TSNAXIP1: variants seen among roughly 807,000 people sequenced by gnomAD.
TSNAXIP1 encodes the protein translin-associated factor X-interacting protein 1.
In TSNAXIP1, 89 loss-of-function variants were observed where a neutral mutation model predicts 84.8. The observed-to-expected ratio is 1.05, with a 90% CI of 0.88 to 1.25. TSNAXIP1 has a LOEUF of 1.25. Among genes scored for constraint, TSNAXIP1 ranks in the 50% most tolerant of loss-of-function variants. The pLI, the probability that TSNAXIP1 is intolerant of heterozygous loss-of-function variation, is 0.00. For missense variants in TSNAXIP1, 874 were observed against 887.6 expected (o/e 0.98, Z 0.20); for synonymous variants, 347 against 335.2 (o/e 1.04, Z -0.39).
rs1008100226 is a variant in TSNAXIP1 at position 67,815,585 on chromosome 16, C to A, written c.147+1184C>A. On this transcript the variant is annotated intron_variant, in intron 2 of 15. Transcript: ENST00000561639. ...CACAAACACAGCTCACTGCAGACTC[C>A]ACCTCCCATGCTGAACCAATCCTCC... is the stretch of plus-strand genomic sequence containing the variant. Among the ~76,000 whole-genome samples, 113 of 152,076 alleles carry A rather than the reference C, an allele frequency of 7.4e-4. 1 individual carries two copies. Among genetic ancestry groups the A allele is most frequent in the African/African-American group, 2.7e-3 (112 of 41,406 alleles).
intron 7 of TSNAXIP1, 86 bp downstream of exon 7, chr16:67,825,358 A>G (rs2057360274): frequency 6.4e-7 from 1 of 1,553,754 alleles, no homozygotes. Context: ...TTCATTCAGC[A>G]TTCCTAAGAC....
At position 67,825,009 on chromosome 16, in the gene TSNAXIP1, T is replaced by C. The variant is rs1026324951; in HGVS notation, c.679-128T>C. On this transcript the variant is annotated intron_variant, in intron 6 of 15. Coordinates refer to ENST00000561639, the MANE Select transcript of TSNAXIP1 (RefSeq NM_001288990.3). The stretch of plus-strand genomic sequence containing the variant: ...AATTCTCAGAAATGGCCAATCTCCT[T>C]CTTCTTTCACCTTTCCTGTTCACAG... The C allele has an allele frequency of 5.9e-6, 8 of 1,348,960 alleles. No homozygotes were observed. In the South Asian group the frequency reaches 7.3e-5, roughly 12 times the overall value. The allele number at this position is 1,348,960 out of a possible 1,614,324, so 83.6% of individuals were successfully genotyped here.
chr16:67,812,158 A>G (rs2056141630), intron 1 of TSNAXIP1, among the ~76,000 whole-genome samples: 1 of 151,970 alleles, frequency 6.6e-6, no homozygotes, highest in Admixed American at 6.6e-5. Flanking sequence ...GGCAACATAA[A>G]TCACACACCC....
At chr16:67,807,717 A>T (rs1397430098) in intron 1 of TSNAXIP1, 2 of 224,212 alleles carry the variant, frequency 8.9e-6, no homozygotes, top group Non-Finnish European at 1.8e-5. Flanking sequence ...TCCTAGACTC[A>T]AGCGACCCTC....
chr16:67,827,660 C>T, intron 15 of TSNAXIP1, 81 bp downstream of exon 15: 2 of 1,610,354 alleles, frequency 1.2e-6, no homozygotes, highest in African/African-American at 2.7e-5. Context: ...CATGCACCAT[C>T]CACTGCTCAG....
chr16:67,809,981 A>T (rs1434095563), intron 1 of TSNAXIP1, among the ~76,000 whole-genome samples: 2 of 152,184 alleles, frequency 1.3e-5, no homozygotes, highest in Non-Finnish European at 2.9e-5. Context: ...TTTAAAAAAA[A>T]ATACAACATC....
chr16:67,813,731 C>CAAAAA (rs373627128), intron 1 of TSNAXIP1, among the ~76,000 whole-genome samples: 5 of 41,186 alleles, frequency 1.2e-4, no homozygotes, highest in African/African-American at 3.0e-4. Context: ...GACTCCGTCT[C>CAAAAA]AAAAAAAAAA....
In TSNAXIP1 at chr16:67,810,884, C is replaced by T. The variant is rs990406524; in HGVS notation, c.48-3418C>T. ...CCTCCCTAGTAGCTGGGACTATAGGCGCGTGCCACCACACCTGGCTAATTT... is the reference window on the plus strand; with the variant it reads ...CCTCCCTAGTAGCTGGGACTATAGGTGCGTGCCACCACACCTGGCTAATTT... On this transcript the variant is annotated intron_variant, in intron 1 of 15. Coordinates refer to ENST00000561639, the MANE Select transcript of TSNAXIP1 (RefSeq NM_001288990.3). 5.3e-5 allele frequency among the ~76,000 whole-genome samples: 8 copies of T among 151,522 alleles called. No homozygotes were observed. The East Asian group carries it at 7.8e-4, about 15-fold the overall frequency.
chr16:67,825,217 A>C lies in TSNAXIP1; in HGVS notation c.759A>C (p.Ala253=), dbSNP rs1329409544. Residue 253 remains alanine, a synonymous_variant, in exon 7 of 16, where the codon GCA becomes GCC. Transcript: ENST00000561639. ...GAGATGCCTGTAAGATCCTCATCGC[A>C]GACCTGAATGAGCTGCGGTACCAGC... The part of the protein sequence containing the change: ...SERDACKILI[A]DLNELRYQRE... 6.2e-7 allele frequency: 1 copy of C among 1,614,200 alleles called. No homozygotes were observed. The highest frequency in any genetic ancestry group is 2.2e-5 in the East Asian group (1 of 44,884).
intron 2 of TSNAXIP1, among the ~76,000 whole-genome samples, chr16:67,816,160 G>A (rs2056536088): frequency 1.3e-5 from 2 of 151,530 alleles, no homozygotes; most frequent in Admixed American, 1.3e-4. Flanking sequence ...GTAGAGATGG[G>A]GTTTTACCGT....
intron 13 of TSNAXIP1, 21 bp downstream of exon 13, chr16:67,827,093 AC>A: frequency 5.6e-6 from 9 of 1,611,950 alleles, no homozygotes; most frequent in Non-Finnish European, 7.6e-6. Flanking sequence ...AGTCCAGGCT[AC>A]CCCCAACTCC....
At chr16:67,827,218 G>A (rs767640993) in intron 13 of TSNAXIP1, 31 bp from the exon 14 acceptor site, 2 of 1,613,406 alleles carry the variant, frequency 1.2e-6, no homozygotes, top group Admixed American at 1.7e-5. Flanking sequence ...GCCTCAGCAG[G>A]TCCCTGTTGG....
At chr16:67,823,534 C>G in intron 4 of TSNAXIP1, 92 bp from the exon 5 acceptor site, 1 of 1,015,164 alleles carries the variant, frequency 9.9e-7, no homozygotes, top group Non-Finnish European at 1.5e-6. Flanking sequence ...TGGAGCGACA[C>G]TCCGTCTCAG....
chr16:67,821,345 G>A (rs2057038594), intron 4 of TSNAXIP1, 120 bp downstream of exon 4: 1 of 1,297,608 alleles, frequency 7.7e-7, no homozygotes, highest in East Asian at 2.7e-5. Flanking sequence ...CAAGGCGGGT[G>A]GACCACCTGA....
chr16:67,825,222 T>G lies in TSNAXIP1; in HGVS notation c.764T>G (p.Leu255Arg). The change falls in exon 7 of 16, where the codon CTG becomes CGG. Residue 255 changes from leucine to arginine, a missense_variant. Transcript: ENST00000561639. ...GCCTGTAAGATCCTCATCGCAGACC[T>G]GAATGAGCTGCGGTACCAGCGGGAG... ...RDACKILIAD[L>R]NELRYQREDM... 1.9e-6 allele frequency: 3 copies of G among 1,614,166 alleles called. No homozygotes were observed. The highest frequency in any genetic ancestry group is 2.5e-6 in the Non-Finnish European group (3 of 1,180,016).
chr16:67,825,285 T>C lies in TSNAXIP1; in HGVS notation c.814+13T>C, dbSNP rs1388187629. On this transcript the variant is annotated intron_variant, in intron 7 of 15. Transcript: ENST00000561639. ...GCCCAGTCGCCAGGTAAGCCTGAAT[T>C]GGGAATCGGGTTTCTCTCTTCTCTG... 1 of 1,613,740 alleles carries C rather than the reference T, an allele frequency of 6.2e-7. No homozygotes were observed. The highest frequency in any genetic ancestry group is 8.5e-7 in the Non-Finnish European group (1 of 1,179,812).
At chr16:67,824,516 T>G in intron 5 of TSNAXIP1, 67 bp from the exon 6 acceptor site, 1 of 1,512,884 alleles carries the variant, frequency 6.6e-7, no homozygotes, top group Non-Finnish European at 9.1e-7. Context: ...ACCCATGACC[T>G]TAGGGTGTCT....
chr16:67,816,483 A>T (rs762629989), intron 2 of TSNAXIP1, among the ~76,000 whole-genome samples: 7 of 152,066 alleles, frequency 4.6e-5, no homozygotes, highest in African/African-American at 1.7e-4. Context: ...TGGGCCACAC[A>T]CTTTGTGGGG....
rs140998015 is a variant in TSNAXIP1 at position 67,827,521 on chromosome 16, T to C, written c.1840T>C (p.Tyr614His). 8.1e-5 allele frequency: 130 copies of C among 1,613,920 alleles called. No individual in the cohort carries two copies. The highest frequency in any genetic ancestry group is 1.0e-4 in the Non-Finnish European group (120 of 1,179,992). Residue 614 changes from tyrosine to histidine, a missense_variant, in exon 15 of 16, where the codon TAC (tyrosine) becomes CAC (histidine). Coordinates refer to ENST00000561639, the MANE Select transcript of TSNAXIP1 (RefSeq NM_001288990.3). ...EPFVQKLWEQYMDEKDEYLQQ... is the reference protein window; with the variant it reads ...EPFVQKLWEQHMDEKDEYLQQ... ...CTTTGTGCAAAAACTCTGGGAACAA[T>C]ACATGGATGAGAAGGACGAGTACTT...
Sources: gnomAD v4.1 joint callset for allele counts (sites outside exome capture counted in the v4.1 genomes callset) on GRCh38, gnomAD v4.1.1 for gene constraint, MANE v1.5 for transcripts, NCBI Gene and HGNC (gene_info 2026-07-23, HGNC 2026-07-21) for gene names.